The following ELMO1 variants were observed in gnomAD, a reference collection of about 807,000 sequenced individuals.
ELMO1 encodes the protein engulfment and cell motility protein 1.
In ELMO1, 26 loss-of-function variants were observed where a neutral mutation model predicts 98.9. The observed-to-expected ratio is 0.26, with a 90% CI of 0.19 to 0.36. The LOEUF is 0.36. Among genes scored for constraint, ELMO1 ranks in the 10% least tolerant of loss-of-function variants. ELMO1 has a pLI of 1.00. For synonymous variants in ELMO1, 346 were observed against 346.0 expected, an observed-to-expected ratio of 1.00 and a Z score of 0.00; for missense variants, 627 against 935.2, an observed-to-expected ratio of 0.67 and a Z score of 4.30.
chr7:37,330,569 A>C lies in ELMO1; in HGVS notation c.78+12044T>G, dbSNP rs146350181. Among the ~76,000 whole-genome samples the C allele has an allele frequency of 3.8e-4, 58 of 152,262 alleles. No individual in the cohort carries two copies. The East Asian group carries it at 8.5e-3, about 22-fold the overall frequency. ...CTGAACCTGACTGCCATCAATCAGA[A>C]TATGTTTCTCTTCATATCTTCCACC... On this transcript the variant is annotated intron_variant, in intron 2 of 21. Coordinates refer to ENST00000310758, the MANE Select transcript of ELMO1 (RefSeq NM_014800.11).
intron 13 of ELMO1, among the ~76,000 whole-genome samples, chr7:37,182,961 G>C (rs1165601546): frequency 6.6e-6 from 1 of 152,130 alleles, no homozygotes; most frequent in East Asian, 1.9e-4. Context: ...TCATACCTTT[G>C]CTATGCTCTT....
At chr7:37,384,262 C>A (rs1802699687) in intron 1 of ELMO1, among the ~76,000 whole-genome samples, 1 of 152,062 alleles carries the variant, frequency 6.6e-6, no homozygotes, top group Admixed American at 6.5e-5. Flanking sequence ...AAACAAATGA[C>A]ACGATTAAGA....
chr7:37,082,813 G>A (rs1363916898), intron 15 of ELMO1, among the ~76,000 whole-genome samples: 1 of 152,192 alleles, frequency 6.6e-6, no homozygotes, highest in East Asian at 1.9e-4. Flanking sequence ...GCATGGGAGA[G>A]GTAAGTCCTT....
intron 15 of ELMO1, among the ~76,000 whole-genome samples, chr7:37,068,219 C>A (rs1797085145): frequency 6.6e-6 from 1 of 152,162 alleles, no homozygotes; most frequent in African/African-American, 2.4e-5. Flanking sequence ...TGCAGTAAAG[C>A]AGTTCCCAGC....
intron 18 of ELMO1, among the ~76,000 whole-genome samples, chr7:36,884,592 T>C (rs1344598382): frequency 6.6e-6 from 1 of 152,142 alleles, no homozygotes; most frequent in Non-Finnish European, 1.5e-5. Context: ...TGAGATATAT[T>C]ACCTCCCAGT....
At chr7:36,992,978 T>A (rs1422616437) in intron 16 of ELMO1, among the ~76,000 whole-genome samples, 5 of 152,008 alleles carry the variant, frequency 3.3e-5, no homozygotes, top group Admixed American at 6.6e-5. Flanking sequence ...TTACACTACA[T>A]CAGAAAAGAG....
At chr7:37,328,669 ATAG>A (rs1191871652) in intron 2 of ELMO1, among the ~76,000 whole-genome samples, 3 of 152,192 alleles carry the variant, frequency 2.0e-5, no homozygotes, top group Non-Finnish European at 4.4e-5. Flanking sequence ...CACCATATGA[ATAG>A]TAGATGATCC....
Position 37,363,995 on chromosome 7 carries a change from C to G in ELMO1, c.-73-21232G>C, listed in dbSNP as rs145464424. ...CTCTCACCCATGCTTCTTCATTTGA[C>G]TAATGCAAATCCCTCAGGAATCCCT... On this transcript the variant is annotated intron_variant, in intron 1 of 21. Coordinates refer to ENST00000310758, the MANE Select transcript of ELMO1 (RefSeq NM_014800.11). 6.6e-4 allele frequency among the ~76,000 whole-genome samples: 100 copies of G among 152,314 alleles called. 3 individuals carry two copies. The East Asian group carries it at 0.018, about 27-fold the overall frequency.
At chr7:37,353,415 T>C in intron 1 of ELMO1, 1 of 161,050 alleles carries the variant, frequency 6.2e-6, no homozygotes, top group Non-Finnish European at 1.3e-5. Context: ...CTTTCACCGT[T>C]AGTGTTACAG....
intron 1 of ELMO1, among the ~76,000 whole-genome samples, chr7:37,447,767 C>G (rs1396736334): frequency 6.6e-6 from 1 of 151,528 alleles, no homozygotes. Context: ...CGCGCGCGCT[C>G]GCGGCACAGC....
chr7:37,036,078 T>C (rs1584545861), intron 15 of ELMO1, among the ~76,000 whole-genome samples: 1 of 152,244 alleles, frequency 6.6e-6, no homozygotes, highest in Admixed American at 6.5e-5. Context: ...TAGTGAATGA[T>C]AAAATAGAGT....
At chr7:37,391,910 T>G (rs1254563784) in intron 1 of ELMO1, among the ~76,000 whole-genome samples, 1 of 152,190 alleles carries the variant, frequency 6.6e-6, no homozygotes, top group East Asian at 1.9e-4. Flanking sequence ...GGGAAGTGTG[T>G]GTACCCCCCT....
At chr7:37,225,863 G>A (rs1157355244) in intron 8 of ELMO1, among the ~76,000 whole-genome samples, 1 of 152,176 alleles carries the variant, frequency 6.6e-6, no homozygotes, top group African/African-American at 2.4e-5. Flanking sequence ...ATTACTGTCT[G>A]TTGACAGCTC....
Position 37,070,484 on chromosome 7 carries a change from G to A in ELMO1, c.1300+26135C>T, listed in dbSNP as rs531346820. The stretch of plus-strand genomic sequence containing the variant: ...ATTGCACCCTTTCTTGATTTCCGTT[G>A]GAATTTGTGAACTGTGTGTGTGTGT... On this transcript the variant is annotated intron_variant, in intron 15 of 21. Coordinates refer to ENST00000310758, the MANE Select transcript of ELMO1 (RefSeq NM_014800.11). Among the ~76,000 whole-genome samples the A allele has an allele frequency of 4.6e-5, 7 of 152,178 alleles. No homozygotes were observed. The East Asian group carries it at 1.4e-3, about 29-fold the overall frequency.
Position 36,861,889 on chromosome 7 carries a change from C to T in ELMO1, c.1906-153G>A, listed in dbSNP as rs1025837453. 5 of 693,628 alleles carry T rather than the reference C, an allele frequency of 7.2e-6. No individual in the cohort carries two copies. The African/African-American group carries it at 8.9e-5, about 12-fold the overall frequency. The allele number at this position is 693,628 out of a possible 1,614,324, so 43.0% of individuals were successfully genotyped here. The stretch of plus-strand genomic sequence containing the variant: ...TGATGGAAGGAGGAACCATGCTCTT[C>T]AAGGTTCACGGCATGATTCCTTCTC... On this transcript the variant is annotated intron_variant, in intron 20 of 21. Coordinates refer to ENST00000310758, the MANE Select transcript of ELMO1 (RefSeq NM_014800.11).
intron 13 of ELMO1, among the ~76,000 whole-genome samples, chr7:37,145,125 A>G (rs73690136): frequency 0.028 from 4,321 of 152,304 alleles, 68 homozygotes; most frequent in Middle Eastern, 0.065. Flanking sequence ...CCCCACCCCA[A>G]GTCTCATCCA....
At chr7:37,365,963 T>C (rs1003666968) in intron 1 of ELMO1, among the ~76,000 whole-genome samples, 2 of 152,246 alleles carry the variant, frequency 1.3e-5, no homozygotes, top group African/African-American at 2.4e-5. Context: ...AAATATCTGA[T>C]AGATGAATGC....
chr7:37,189,402 G>T (rs1791439439), intron 13 of ELMO1, among the ~76,000 whole-genome samples: 1 of 152,156 alleles, frequency 6.6e-6, no homozygotes, highest in Non-Finnish European at 1.5e-5. Flanking sequence ...ATATCCCAGT[G>T]AATTATGCAA....
intron 13 of ELMO1, among the ~76,000 whole-genome samples, chr7:37,140,050 T>G (rs1225381292): frequency 6.6e-6 from 1 of 152,056 alleles, no homozygotes; most frequent in Non-Finnish European, 1.5e-5. Flanking sequence ...ATCTCTCAAC[T>G]TACACGAAAA....
Sources: allele counts gnomAD v4.1 joint callset (sites outside exome capture counted in the v4.1 genomes callset), GRCh38; gene constraint gnomAD v4.1.1; transcripts MANE v1.5; gene names NCBI Gene and HGNC (gene_info 2026-07-23, HGNC 2026-07-21).